ARID5A: variants seen among roughly 807,000 people sequenced by gnomAD.
ARID5A encodes AT-rich interaction domain 5A.
A neutral mutation model predicts 30.5 loss-of-function variants in ARID5A; 14 were observed. The ratio of observed to expected loss-of-function variants is 0.46; its 90% CI spans 0.30 to 0.72. ARID5A has a LOEUF of 0.72. Among genes scored for constraint, ARID5A ranks in the 30% least tolerant of loss-of-function variants. The pLI, the probability that ARID5A is intolerant of heterozygous loss-of-function variation, is 0.07. For missense variants in ARID5A, 669 were observed against 786.2 expected (o/e 0.85, Z 1.78); for synonymous variants, 338 against 340.4 (o/e 0.99, Z 0.08).
At chr2:96,538,593 A>G (rs1302252679) in intron 1 of ARID5A, among the ~76,000 whole-genome samples, 2 of 152,168 alleles carry the variant, frequency 1.3e-5, no homozygotes, top group Non-Finnish European at 1.5e-5. Flanking sequence ...CCCCTCCCCA[A>G]ACTGCTGGAG....
At chr2:96,538,718 A>G (rs1160250821) in intron 1 of ARID5A, among the ~76,000 whole-genome samples, 4 of 152,210 alleles carry the variant, frequency 2.6e-5, no homozygotes, top group Non-Finnish European at 2.9e-5. Context: ...GAGAAACTTA[A>G]GCCAACAACC....
chr2:96,547,826 G>A (rs576145486), intron 2 of ARID5A, among the ~76,000 whole-genome samples: 15 of 152,320 alleles, frequency 9.8e-5, no homozygotes, highest in East Asian at 9.6e-4. Context: ...TAACATGGGC[G>A]TATAAAGTCA....
chr2:96,543,860 G>A (rs1212440889), intron 1 of ARID5A, among the ~76,000 whole-genome samples: 1 of 152,208 alleles, frequency 6.6e-6, no homozygotes, highest in Non-Finnish European at 1.5e-5. Context: ...GCCCAGATAG[G>A]CCGAAAGCTA....
At position 96,551,947 on chromosome 2, in the gene ARID5A, G is replaced by A. The variant is rs2066057250; in HGVS notation, c.1419G>A (p.Lys473=). The change falls in exon 7 of 7, where the codon AAG becomes AAA. Residue 473 remains lysine (K), a synonymous_variant. Transcript: ENST00000357485. ...TTCTTAAGGAGGCGGATGCCAAGAA[G>A]TGTGGGGCCAAACCTGCAGGGTCCG... ...SPFLKEADAK[K]CGAKPAGSGL... is the part of the protein sequence containing the mutation. The A allele has an allele frequency of 6.6e-7, 1 of 1,522,368 alleles. No individual in the cohort carries two copies. Among genetic ancestry groups the A allele is most frequent in the Non-Finnish European group, 8.8e-7 (1 of 1,135,880 alleles). 94.3% of individuals were successfully genotyped at this position (1,522,368 alleles called of 1,614,324 possible).
intron 1 of ARID5A, among the ~76,000 whole-genome samples, chr2:96,544,141 G>A (rs908076737): frequency 6.6e-6 from 1 of 152,214 alleles, no homozygotes; most frequent in African/African-American, 2.4e-5. Context: ...GCTAGCAGAG[G>A]TTGCTTCATG....
In ARID5A at chr2:96,549,673, GT is replaced by G; in HGVS notation, c.260-79del. The G allele has an allele frequency of 6.2e-7, 1 of 1,601,948 alleles. No individual in the cohort carries two copies. Among genetic ancestry groups the G allele is most frequent in the Non-Finnish European group, 8.5e-7 (1 of 1,169,676 alleles). On this transcript the variant is annotated intron_variant, in intron 3 of 6. Transcript: ENST00000357485. The surrounding 1 kb of genome is among the most constrained non-coding windows in gnomAD (Gnocchi z 6.1). ...GTGTGTGCTGGTCTGTGCCTGGCCTGTCAGGGCACCAGGAAGGGGTGGCATG... is the reference window on the plus strand; with the variant it reads ...GTGTGTGCTGGTCTGTGCCTGGCCTGCAGGGCACCAGGAAGGGGTGGCATG...
Position 96,549,998 on chromosome 2 carries a change from C to T in ARID5A, c.313-190C>T. 2.0e-6 allele frequency: 3 copies of T among 1,534,570 alleles called. No individual in the cohort carries two copies. Among genetic ancestry groups the T allele is most frequent in the Non-Finnish European group, 2.6e-6 (3 of 1,146,190 alleles). On this transcript the variant is annotated intron_variant, in intron 4 of 6. Transcript: ENST00000357485. This position sits in a 1 kb window ranked among gnomAD's most constrained non-coding sequence, Gnocchi z 6.1. The stretch of plus-strand genomic sequence containing the variant: ...AGCCTTCCCCATCTGTTCTGCCCGC[C>T]CCGTGTTGGGAAAACTGCTTGGGCC...
intron 1 of ARID5A, 79 bp from the exon 2 acceptor site, chr2:96,547,323 G>A: frequency 1.6e-6 from 2 of 1,215,124 alleles, no homozygotes; most frequent in South Asian, 1.4e-5. Context: ...TAGGGAGAGT[G>A]CTCCTGTTCC....
intron 1 of ARID5A, among the ~76,000 whole-genome samples, chr2:96,546,420 T>C (rs1416988607): frequency 3.9e-5 from 6 of 152,226 alleles, no homozygotes; most frequent in African/African-American, 1.4e-4. Context: ...GCAGAGGTGT[T>C]GCGTTTTTGC....
chr2:96,550,214 C>A lies in ARID5A; in HGVS notation c.339C>A (p.Asn113Lys), dbSNP rs1053463047. The A allele has an allele frequency of 1.0e-5, 16 of 1,534,348 alleles. No individual in the cohort carries two copies. The highest frequency in any genetic ancestry group is 1.4e-5 in the African/African-American group (1 of 72,552). Residue 113 changes from asparagine (N) to lysine (K), a missense_variant, in exon 5 of 7, where the codon AAC (asparagine) becomes AAA (lysine). Coordinates refer to ENST00000357485, the MANE Select transcript of ARID5A (RefSeq NM_212481.3). The surrounding 1 kb of genome is among the most constrained non-coding windows in gnomAD (Gnocchi z 6.6). The stretch of plus-strand genomic sequence containing the variant: ...TGACCGGGCGCCGCCTCTGGAAGAA[C>A]GTGTACGACGAGCTGGGGGGCAGCC... ...ELVTGRRLWK[N>K]VYDELGGSPG...
At chr2:96,543,637 C>T (rs2065881117) in intron 1 of ARID5A, among the ~76,000 whole-genome samples, 1 of 152,120 alleles carries the variant, frequency 6.6e-6, no homozygotes, top group African/African-American at 2.4e-5. Flanking sequence ...GCTCCTCCTC[C>T]ACCTGCTCCA....
At chr2:96,548,517 A>G (rs1427055526) in intron 2 of ARID5A, among the ~76,000 whole-genome samples, 1 of 152,096 alleles carries the variant, frequency 6.6e-6, no homozygotes, top group Non-Finnish European at 1.5e-5. Context: ...CTCTCTGCCC[A>G]CCTCGGCCTC....
intron 1 of ARID5A, chr2:96,538,156 G>A: frequency 1.0e-6 from 1 of 985,452 alleles, no homozygotes; most frequent in Non-Finnish European, 1.2e-6. Flanking sequence ...CTACAGTTGA[G>A]AGACGTCAAC....
Position 96,551,164 on chromosome 2 carries a change from C to T in ARID5A, c.636C>T (p.Pro212=), listed in dbSNP as rs1236145997. 4.3e-6 allele frequency: 7 copies of T among 1,613,952 alleles called. No individual in the cohort carries two copies. The Admixed American group carries it at 1.0e-4, about 23-fold the overall frequency. Residue 212 remains proline (P), a synonymous_variant, in exon 7 of 7, where the codon CCC becomes CCT. Transcript: ENST00000357485. ...CACCACTTCCCAGCCAGGAGCCCCCCAGGAACAGCACAGAACAGCAGGGCC... is the reference window on the plus strand; with the variant it reads ...CACCACTTCCCAGCCAGGAGCCCCCTAGGAACAGCACAGAACAGCAGGGCC... ...DPAPLPSQEP[P]RNSTEQQGLA... is the part of the protein sequence containing the mutation.
chr2:96,543,312 G>A (rs2065875744), intron 1 of ARID5A, among the ~76,000 whole-genome samples: 1 of 152,204 alleles, frequency 6.6e-6, no homozygotes, highest in African/African-American at 2.4e-5. Context: ...CTGAGGGAGA[G>A]AATGTACAGG....
Position 96,551,661 on chromosome 2 carries a change from A to G in ARID5A, c.1133A>G (p.Glu378Gly), listed in dbSNP as rs1400859497. The G allele has an allele frequency of 1.3e-6, 2 of 1,523,648 alleles. No individual in the cohort carries two copies. The highest frequency in any genetic ancestry group is 2.6e-5 in the South Asian group (2 of 75,908). The allele number at this position is 1,523,648 out of a possible 1,614,324, so 94.4% of individuals were successfully genotyped here. A position where few individuals can be genotyped will look rare whatever the true frequency, so the allele number is the denominator to read the frequency against. The change falls in exon 7 of 7, where the codon GAG becomes GGG. Residue 378 changes from glutamate to glycine, a missense_variant. This residue lies in a region of ARID5A where 548 missense variants were observed against 577.4 expected (regional missense o/e 0.95). Transcript: ENST00000357485. ...GTGCTATTGGGGCCTCCTGGCAAAG[A>G]GGGGCTGTCAGTGAAAGAGCCCCAG... ...DGVLLGPPGK[E>G]GLSVKEPQLV... is the part of the protein sequence containing the mutation.
rs770284184 is a variant in ARID5A, at chr2:96,550,593, C to A, written c.430C>A (p.Arg144=). The change falls in exon 6 of 7, where the codon CGG becomes AGG. Residue 144 remains arginine, a synonymous_variant. Coordinates refer to ENST00000357485, the MANE Select transcript of ARID5A (RefSeq NM_212481.3). This position sits in a 1 kb window ranked among gnomAD's most constrained non-coding sequence, Gnocchi z 6.6. ...CACCAGGCTGGTCCTGCCATACGTG[C>A]GGCACCTGAAGGGGGAGGATGACAA... ...HYERLVLPYV[R]HLKGEDDKPL... 13 of 1,604,594 alleles carry A rather than the reference C, an allele frequency of 8.1e-6. No homozygotes were observed. Among genetic ancestry groups the A allele is most frequent in the African/African-American group, 1.3e-5 (1 of 74,686 alleles).
Position 96,537,924 on chromosome 2 carries a change from A to G in ARID5A, c.4+1094A>G. ...GCTCCGCGGGCCCCAGGGGAGGACA[A>G]CAGGTGCCTCTTGCCCCACCCGGGC... On this transcript the variant is annotated intron_variant, in intron 1 of 6. Coordinates refer to ENST00000357485, the MANE Select transcript of ARID5A (RefSeq NM_212481.3). The surrounding 1 kb of genome is among the most constrained non-coding windows in gnomAD (Gnocchi z 4.8). 1 of 985,480 alleles carries G rather than the reference A, an allele frequency of 1.0e-6. No homozygotes were observed. Among genetic ancestry groups the G allele is most frequent in the Non-Finnish European group, 1.2e-6 (1 of 830,002 alleles). The allele number at this position is 985,480 out of a possible 1,614,324, so 61.0% of individuals were successfully genotyped here. A position where few individuals can be genotyped will look rare whatever the true frequency, so the allele number is the denominator to read the frequency against.
In ARID5A at chr2:96,551,646, G is replaced by T; in HGVS notation, c.1118G>T (p.Gly373Val). Residue 373 changes from glycine (G) to valine (V), a missense_variant, in exon 7 of 7, where the codon GGG becomes GTG. Transcript: ENST00000357485. ...FSRLKDGVLL[G>V]PPGKEGLSVK... Reference sequence around the variant, plus strand: ...AGACTTAAAGATGGGGTGCTATTGGGGCCTCCTGGCAAAGAGGGGCTGTCA... The same window carrying T: ...AGACTTAAAGATGGGGTGCTATTGGTGCCTCCTGGCAAAGAGGGGCTGTCA... 1 of 1,526,070 alleles carries T rather than the reference G, an allele frequency of 6.6e-7. No individual in the cohort carries two copies. Among genetic ancestry groups the T allele is most frequent in the Non-Finnish European group, 8.8e-7 (1 of 1,140,306 alleles). 94.5% of individuals were successfully genotyped at this position (1,526,070 alleles called of 1,614,324 possible).
Sources: gnomAD v4.1 joint callset for allele counts (sites outside exome capture counted in the v4.1 genomes callset) on GRCh38, gnomAD v4.1.1 for gene constraint, gnomAD v4.1.1 regional missense constraint, Gnocchi (gnomAD v3.1) non-coding constraint, MANE v1.5 for transcripts, NCBI Gene and HGNC (gene_info 2026-07-23, HGNC 2026-07-21) for gene names.